The following WDR7 variants were observed in gnomAD, a reference collection of about 807,000 sequenced individuals.
WDR7 encodes the protein WD repeat-containing protein 7.
A neutral mutation model predicts 169.4 loss-of-function variants in WDR7; 46 were observed. That is an observed-to-expected ratio of 0.27 (90% CI 0.21 to 0.35). The LOEUF (loss-of-function observed/expected upper bound fraction) is 0.35, where lower values mean the gene tolerates loss of function less well. WDR7 is among the 10% of genes least tolerant of loss of function. WDR7 has a pLI of 1.00. For synonymous variants in WDR7, 612 were observed against 666.8 expected (o/e 0.92, Z 1.27); for missense variants, 1,534 against 1,859.3 (o/e 0.83, Z 3.22).
At position 57,027,318 on chromosome 18, in the gene WDR7, C is replaced by T; in HGVS notation, c.*111C>T. ...TCCCAGGGGCCTGCCCACCCCAGTG[C>T]CATCCAGTGGCACGGCCGGGTCTTG... On this transcript the variant is annotated 3_prime_UTR_variant, in exon 28 of 28. Transcript: ENST00000254442. The T allele has an allele frequency of 7.4e-7, 1 of 1,358,690 alleles. No individual in the cohort carries two copies. The allele number at this position is 1,358,690 out of a possible 1,614,324, so 84.2% of individuals were successfully genotyped here. A position where few individuals can be genotyped will look rare whatever the true frequency, so the allele number is the denominator to read the frequency against.
At chr18:56,773,272 A>G (rs998732853) in intron 16 of WDR7, among the ~76,000 whole-genome samples, 6 of 152,156 alleles carry the variant, frequency 3.9e-5, no homozygotes. Context: ...GTAGCATTGT[A>G]ACGGGGCTTC....
At chr18:56,913,928 C>A (rs9675948) in intron 21 of WDR7, among the ~76,000 whole-genome samples, 1,813 of 152,310 alleles carry the variant, frequency 0.012, 41 homozygotes, top group African/African-American at 0.042. Context: ...TACTCTTGCC[C>A]CACTACGGTC....
At chr18:56,725,326 CT>C (rs2026422857) in intron 13 of WDR7, among the ~76,000 whole-genome samples, 1 of 151,144 alleles carries the variant, frequency 6.6e-6, no homozygotes, top group African/African-American at 2.5e-5. Context: ...TGTTTCCTGA[CT>C]TTTTAATGAT....
chr18:56,682,935 A>G, intron 5 of WDR7, 82 bp downstream of exon 5: 1 of 1,402,096 alleles, frequency 7.1e-7, no homozygotes, highest in Non-Finnish European at 9.8e-7. Flanking sequence ...TTTATCATAA[A>G]TTAATACTTT....
Position 56,981,123 on chromosome 18 carries a change from A to G in WDR7, c.4164+18594A>G, listed in dbSNP as rs561378698. On this transcript the variant is annotated intron_variant, in intron 26 of 27. Transcript: ENST00000254442. ...TTATGAAGACAGTGAAAATTGGGAG[A>G]AATGAACCAATTTAAGATAAAGCCT... Among the ~76,000 whole-genome samples the G allele has an allele frequency of 3.3e-5, 5 of 152,230 alleles. No homozygotes were observed. In the East Asian group the frequency reaches 9.7e-4, roughly 29 times the overall value.
At chr18:56,865,680 G>A (rs545857258) in intron 20 of WDR7, among the ~76,000 whole-genome samples, 2 of 152,182 alleles carry the variant, frequency 1.3e-5, no homozygotes, top group East Asian at 3.9e-4. Flanking sequence ...TCTGTGGAAG[G>A]CATGCTGATT....
At chr18:56,677,434 C>G (rs1372915738) in intron 2 of WDR7, among the ~76,000 whole-genome samples, 3 of 152,202 alleles carry the variant, frequency 2.0e-5, no homozygotes, top group African/African-American at 4.8e-5. Context: ...CCTGCAACCT[C>G]TGCCTCCTGG....
intron 21 of WDR7, among the ~76,000 whole-genome samples, chr18:56,899,564 C>A (rs1022930129): frequency 1.3e-5 from 2 of 151,778 alleles, no homozygotes; most frequent in African/African-American, 4.8e-5. Context: ...TTTGTTTTAC[C>A]TTTTCAGAGT....
chr18:56,752,074 A>G (rs1373036108), intron 14 of WDR7, among the ~76,000 whole-genome samples: 3 of 152,170 alleles, frequency 2.0e-5, no homozygotes, highest in African/African-American at 7.2e-5. Flanking sequence ...ACAGTTCTCA[A>G]ACTTTACTGC....
At chr18:56,706,303 T>G (rs960582774) in intron 12 of WDR7, among the ~76,000 whole-genome samples, 4 of 152,248 alleles carry the variant, frequency 2.6e-5, no homozygotes, top group Admixed American at 2.0e-4. Context: ...ATGATTTTTC[T>G]TAGTCATTGG....
intron 27 of WDR7, 56 bp from the exon 28 acceptor site, chr18:57,026,948 G>A: frequency 6.4e-7 from 1 of 1,555,498 alleles, no homozygotes; most frequent in Non-Finnish European, 8.8e-7. Context: ...CAGTCTCTGT[G>A]ATAGGGAAAG....
At chr18:56,937,862 C>A (rs754500149) in intron 23 of WDR7, among the ~76,000 whole-genome samples, 3 of 152,102 alleles carry the variant, frequency 2.0e-5, no homozygotes, top group Non-Finnish European at 2.9e-5. Context: ...AAAAGTCTTA[C>A]TGATAACATA....
intron 19 of WDR7, among the ~76,000 whole-genome samples, chr18:56,805,495 C>T (rs2044758158): frequency 6.6e-6 from 1 of 152,134 alleles, no homozygotes; most frequent in African/African-American, 2.4e-5. Flanking sequence ...GAGATTTCAA[C>T]ATTTAGGATT....
chr18:56,912,595 C>T (rs2046567552), intron 21 of WDR7, among the ~76,000 whole-genome samples: 2 of 152,196 alleles, frequency 1.3e-5, no homozygotes, highest in South Asian at 4.1e-4. Flanking sequence ...TGTGAGGTTA[C>T]CATTGGCTTA....
intron 19 of WDR7, among the ~76,000 whole-genome samples, chr18:56,812,277 A>G (rs8097570): frequency 0.099 from 15,070 of 152,254 alleles, 951 homozygotes; most frequent in African/African-American, 0.17. Flanking sequence ...ATTGTTCATT[A>G]CTAACATATA....
chr18:56,853,785 T>C (rs2045676582), intron 20 of WDR7, among the ~76,000 whole-genome samples: 1 of 152,166 alleles, frequency 6.6e-6, no homozygotes, highest in Non-Finnish European at 1.5e-5. Flanking sequence ...ATTTTAAGCT[T>C]AAAAAAGGTA....
At chr18:56,788,917 G>T (rs2085736670) in intron 19 of WDR7, among the ~76,000 whole-genome samples, 1 of 152,146 alleles carries the variant, frequency 6.6e-6, no homozygotes, top group South Asian at 2.1e-4. Flanking sequence ...TATATTGTGA[G>T]GCAGAAAGAG....
chr18:56,793,057 G>A (rs1409220039), intron 19 of WDR7, among the ~76,000 whole-genome samples: 2 of 152,138 alleles, frequency 1.3e-5, no homozygotes, highest in African/African-American at 4.8e-5. Flanking sequence ...CTCAGTATGT[G>A]CATTCAATTC....
At chr18:57,003,743 T>C (rs2048015535) in intron 26 of WDR7, among the ~76,000 whole-genome samples, 1 of 152,104 alleles carries the variant, frequency 6.6e-6, no homozygotes. Context: ...GTGTTCACAG[T>C]GCATATTCAC....
Sources: gnomAD v4.1 joint callset for allele counts (sites outside exome capture counted in the v4.1 genomes callset) on GRCh38, gnomAD v4.1.1 for gene constraint, MANE v1.5 for transcripts, NCBI Gene and HGNC (gene_info 2026-07-23, HGNC 2026-07-21) for gene names.